Variants in DTNB observed in about 807,000 individuals in gnomAD.
DTNB encodes the protein dystrobrevin beta.
DTNB carries 63 observed loss-of-function variants against 90.7 expected under a neutral mutation model. The ratio of observed to expected loss-of-function variants is 0.69; its 90% confidence interval spans 0.57 to 0.86. The LOEUF (loss-of-function observed/expected upper bound fraction) is 0.86, where lower values mean the gene tolerates loss of function less well. Ranked by LOEUF, DTNB falls within the 40% of genes least tolerant of loss-of-function variation. The probability of loss-of-function intolerance (pLI) is 0.00; values close to 1 mark genes in which losing one functional copy is unlikely to be tolerated. For missense variants in DTNB, 744 were observed against 807.1 expected, an observed-to-expected ratio of 0.92 and a Z score of 0.95; for synonymous variants, 277 against 286.7, an observed-to-expected ratio of 0.97 and a Z score of 0.34.
rs560274052 is a variant in DTNB at position 25,505,914 on chromosome 2, C to T, written c.1002-23041G>A. On this transcript the variant is annotated intron_variant, in intron 9 of 20. Transcript: ENST00000406818. The stretch of plus-strand genomic sequence containing the variant: ...TATATCAATTATTTAGAAATAATTT[C>T]TCTGTATGCCCTCAATGGAAAGACA... Among the ~76,000 whole-genome samples, 4 of 152,294 alleles carry T rather than the reference C, an allele frequency of 2.6e-5. No homozygotes were observed. The South Asian group carries it at 6.2e-4, about 24-fold the overall frequency.
At chr2:25,536,886 G>A (rs2079942574) in intron 8 of DTNB, among the ~76,000 whole-genome samples, 4 of 152,132 alleles carry the variant, frequency 2.6e-5, no homozygotes, top group Admixed American at 6.5e-5. Flanking sequence ...GGGACTACAG[G>A]CGCGTGCCAC....
At chr2:25,594,179 G>A (rs1388719855) in intron 6 of DTNB, among the ~76,000 whole-genome samples, 5 of 152,188 alleles carry the variant, frequency 3.3e-5, no homozygotes, top group Admixed American at 3.3e-4. Context: ...CCAGGATTAT[G>A]TTCAGACAAC....
chr2:25,655,321 T>C (rs936447197), intron 1 of DTNB, among the ~76,000 whole-genome samples: 3 of 152,202 alleles, frequency 2.0e-5, no homozygotes, highest in African/African-American at 7.2e-5. Flanking sequence ...CCTCCAAAGA[T>C]GCCTACCCTC....
intron 5 of DTNB, among the ~76,000 whole-genome samples, chr2:25,597,607 A>G (rs1233389004): frequency 6.6e-6 from 1 of 152,220 alleles, no homozygotes; most frequent in Non-Finnish European, 1.5e-5. Context: ...GAAAATCTTC[A>G]GTGTGTCCTC....
At chr2:25,513,799 A>T (rs1037136476) in intron 9 of DTNB, among the ~76,000 whole-genome samples, 1 of 151,886 alleles carries the variant, frequency 6.6e-6, no homozygotes, top group African/African-American at 2.4e-5. Flanking sequence ...CCTCATTCTG[A>T]CACACTGATA....
At chr2:25,445,836 C>A (rs536918106) in intron 12 of DTNB, among the ~76,000 whole-genome samples, 2 of 151,870 alleles carry the variant, frequency 1.3e-5, no homozygotes, top group Non-Finnish European at 2.9e-5. Flanking sequence ...TTATAACCTC[C>A]GGTAGTTAAA....
chr2:25,379,213 G>C, intron 20 of DTNB, 77 bp downstream of exon 20: 1 of 1,269,656 alleles, frequency 7.9e-7, no homozygotes, highest in Admixed American at 4.1e-5. Flanking sequence ...ACCTGTGACT[G>C]CAGGAAGGGA....
At chr2:25,507,809 C>A (rs1040027252) in intron 9 of DTNB, among the ~76,000 whole-genome samples, 1 of 152,142 alleles carries the variant, frequency 6.6e-6, no homozygotes, top group Non-Finnish European at 1.5e-5. Flanking sequence ...ACCATCTAGC[C>A]CTCATAATAT....
At chr2:25,603,154 C>T (rs2066268912) in intron 5 of DTNB, among the ~76,000 whole-genome samples, 1 of 152,050 alleles carries the variant, frequency 6.6e-6, no homozygotes, top group African/African-American at 2.4e-5. Context: ...TTAGTGCAAC[C>T]AGATGCAATT....
At chr2:25,382,811 G>A (rs1186908447) in intron 19 of DTNB, among the ~76,000 whole-genome samples, 1 of 152,100 alleles carries the variant, frequency 6.6e-6, no homozygotes, top group Non-Finnish European at 1.5e-5. Flanking sequence ...TTACAGGTGT[G>A]AGCCACCACG....
chr2:25,593,079 G>A (rs1284487324), intron 6 of DTNB, among the ~76,000 whole-genome samples: 1 of 152,088 alleles, frequency 6.6e-6, no homozygotes, highest in Non-Finnish European at 1.5e-5. Context: ...CTCAGCTGCA[G>A]CTTCATCATC....
At chr2:25,427,738 G>T in intron 14 of DTNB, 107 bp from the exon 15 acceptor site, 1 of 1,020,256 alleles carries the variant, frequency 9.8e-7, no homozygotes, top group Non-Finnish European at 1.4e-6. Context: ...GTTATGAGAC[G>T]CTGAGCAAGT....
chr2:25,386,239 CTGGGG>C, intron 18 of DTNB: 5 of 383,712 alleles, frequency 1.3e-5, no homozygotes, highest in Non-Finnish European at 1.8e-5. Context: ...GAGAGCAGAG[CTGGGG>C]GCTCTGTCCA....
chr2:25,661,341 CG>C (rs931945516), intron 1 of DTNB, among the ~76,000 whole-genome samples: 5 of 152,104 alleles, frequency 3.3e-5, no homozygotes, highest in African/African-American at 9.7e-5. Context: ...TTGTACAAAC[CG>C]GTAAGAAAAT....
intron 8 of DTNB, among the ~76,000 whole-genome samples, chr2:25,563,461 G>A (rs1174461504): frequency 6.6e-6 from 1 of 152,126 alleles, no homozygotes; most frequent in East Asian, 1.9e-4. Flanking sequence ...TTTTGTTGAA[G>A]TCCAATTTGT....
At chr2:25,533,481 C>T (rs1411224663) in intron 8 of DTNB, among the ~76,000 whole-genome samples, 1 of 152,252 alleles carries the variant, frequency 6.6e-6, no homozygotes, top group Non-Finnish European at 1.5e-5. Context: ...CTGATTCTTC[C>T]CCTATTAAAA....
intron 6 of DTNB, among the ~76,000 whole-genome samples, chr2:25,582,986 C>T (rs915077394): frequency 1.3e-5 from 2 of 151,996 alleles, no homozygotes; most frequent in African/African-American, 4.8e-5. Flanking sequence ...ATTGGCTGGG[C>T]GTGGCAACTC....
intron 16 of DTNB, among the ~76,000 whole-genome samples, chr2:25,416,242 A>G (rs2047890635): frequency 6.6e-6 from 1 of 152,244 alleles, no homozygotes; most frequent in Non-Finnish European, 1.5e-5. Context: ...GGTAGTAGTA[A>G]GCAGTAAATC....
At chr2:25,607,901 G>T (rs1347263775) in intron 4 of DTNB, among the ~76,000 whole-genome samples, 2 of 152,176 alleles carry the variant, frequency 1.3e-5, no homozygotes, top group African/African-American at 4.8e-5. Flanking sequence ...AAAGTGAAGA[G>T]GAAGGGATAG....
Sources: allele counts gnomAD v4.1 joint callset (sites outside exome capture counted in the v4.1 genomes callset), GRCh38; gene constraint gnomAD v4.1.1; transcripts MANE v1.5; gene names NCBI Gene and HGNC (gene_info 2026-07-23, HGNC 2026-07-21).